Variants in SPIRE1 observed in about 807,000 individuals in gnomAD.
SPIRE1 encodes spire type actin nucleation factor 1, also known as protein spire homolog 1.
In SPIRE1, 40 loss-of-function variants were observed where a neutral mutation model predicts 94.1. The observed-to-expected ratio is 0.43, with a 90% confidence interval of 0.33 to 0.55. The LOEUF is 0.55. Ranked by LOEUF, SPIRE1 falls within the 20% of genes least tolerant of loss-of-function variation. The pLI, the probability that SPIRE1 is intolerant of heterozygous loss-of-function variation, is 0.06. For synonymous variants in SPIRE1, 376 were observed against 371.7 expected (o/e 1.01, Z -0.13); for missense variants, 838 against 975.2 (o/e 0.86, Z 1.87).
At chr18:12,617,908 G>A (rs1387177976) in intron 2 of SPIRE1, among the ~76,000 whole-genome samples, 1 of 151,984 alleles carries the variant, frequency 6.6e-6, no homozygotes, top group Non-Finnish European at 1.5e-5. Flanking sequence ...AACATTTAGA[G>A]GACAGAACCG....
chr18:12,585,611 C>T (rs1484602211), intron 2 of SPIRE1, among the ~76,000 whole-genome samples: 1 of 152,084 alleles, frequency 6.6e-6, no homozygotes, highest in African/African-American at 2.4e-5. Flanking sequence ...GAGCTTAAAA[C>T]AGTGTCTAGC....
chr18:12,635,605 A>T (rs887055632), intron 1 of SPIRE1, among the ~76,000 whole-genome samples: 2 of 152,180 alleles, frequency 1.3e-5, no homozygotes, highest in African/African-American at 4.8e-5. Flanking sequence ...AAAACCATAT[A>T]ATTAATTGAG....
chr18:12,576,890 CAAAA>C (rs398032016), intron 2 of SPIRE1, among the ~76,000 whole-genome samples: 2 of 89,956 alleles, frequency 2.2e-5, no homozygotes, highest in Non-Finnish European at 2.0e-5. Flanking sequence ...CTCTGTTTCA[CAAAA>C]AAAAAAAAAA....
intron 1 of SPIRE1, among the ~76,000 whole-genome samples, chr18:12,642,685 G>T (rs1177492053): frequency 6.6e-6 from 1 of 152,088 alleles, no homozygotes; most frequent in Non-Finnish European, 1.5e-5. Context: ...ATTTAGAAAT[G>T]GTCTCACTCA....
intron 11 of SPIRE1, among the ~76,000 whole-genome samples, chr18:12,463,929 C>G (rs901315148): frequency 1.3e-5 from 2 of 152,150 alleles, no homozygotes; most frequent in African/African-American, 4.8e-5. Flanking sequence ...CCTTCTCTGC[C>G]TAGTAATATT....
Position 12,657,797 on chromosome 18 carries a change from G to A in SPIRE1, c.70C>T (p.Arg24Trp), listed in dbSNP as rs2038599927. The A allele has an allele frequency of 3.9e-6, 5 of 1,269,828 alleles. No individual in the cohort carries two copies. Among genetic ancestry groups the A allele is most frequent in the Admixed American group, 4.0e-5 (1 of 25,246 alleles). 78.7% of individuals were successfully genotyped at this position (1,269,828 alleles called of 1,614,324 possible). A position where few individuals can be genotyped will look rare whatever the true frequency, so the allele number is the denominator to read the frequency against. Residue 24 changes from arginine to tryptophan, a missense_variant, in exon 1 of 17, where the codon CGG becomes TGG. Transcript: ENST00000409402. ...GCGCCGCCGGCTGCCCCGGGCTCCC[G>A]CGGCCCCTCGCCGCCCACTGCCTCA... ...RTEAVGGEGPREPGAAGGAAG... is the reference protein window; with the variant it reads ...RTEAVGGEGPWEPGAAGGAAG...
intron 12 of SPIRE1, among the ~76,000 whole-genome samples, chr18:12,454,954 A>G (rs2031441504): frequency 1.3e-5 from 2 of 149,816 alleles, no homozygotes; most frequent in Non-Finnish European, 3.0e-5. Flanking sequence ...TTTTTTTTCC[A>G]CAACAGGGTC....
At chr18:12,514,505 T>C (rs897106101) in intron 4 of SPIRE1, among the ~76,000 whole-genome samples, 14 of 152,152 alleles carry the variant, frequency 9.2e-5, no homozygotes, top group Admixed American at 9.2e-4. Context: ...ATCTCCAGAA[T>C]AGCCTTGCAT....
At chr18:12,495,264 A>G (rs576330341) in intron 7 of SPIRE1, among the ~76,000 whole-genome samples, 61 of 152,184 alleles carry the variant, frequency 4.0e-4, no homozygotes, top group Non-Finnish European at 8.2e-4. Context: ...AACACAAACC[A>G]ATGTTCCAAC....
chr18:12,572,574 A>C (rs946478008), intron 2 of SPIRE1, among the ~76,000 whole-genome samples: 1 of 152,172 alleles, frequency 6.6e-6, no homozygotes, highest in Non-Finnish European at 1.5e-5. Flanking sequence ...GCACCACTGC[A>C]CTCCAGCCAG....
At chr18:12,485,673 G>A (rs975107086) in intron 9 of SPIRE1, among the ~76,000 whole-genome samples, 2 of 152,132 alleles carry the variant, frequency 1.3e-5, no homozygotes, top group African/African-American at 4.8e-5. Context: ...AGAAGAGCCT[G>A]GACAGTGACA....
Position 12,501,726 on chromosome 18 carries a change from G to A in SPIRE1, c.972+4751C>T, listed in dbSNP as rs527932570. Among the ~76,000 whole-genome samples, 11 of 152,280 alleles carry A rather than the reference G, an allele frequency of 7.2e-5. No individual in the cohort carries two copies. The East Asian group carries it at 7.7e-4, about 11-fold the overall frequency. ...CTATAATCCTAGCACTTTGGAAGGC[G>A]GAGGTGAGAGGACTGCTTGAGCCCA... On this transcript the variant is annotated intron_variant, in intron 6 of 16. Coordinates refer to ENST00000409402, the MANE Select transcript of SPIRE1 (RefSeq NM_001128626.2).
At chr18:12,501,001 G>A (rs1329212825) in intron 6 of SPIRE1, among the ~76,000 whole-genome samples, 1 of 148,246 alleles carries the variant, frequency 6.7e-6, no homozygotes. Context: ...GAACCCTGGA[G>A]GCGGAGGTTG....
Position 12,493,173 on chromosome 18 carries a change from G to A in SPIRE1, c.1088C>T (p.Pro363Leu). The A allele has an allele frequency of 1.2e-6, 2 of 1,612,992 alleles. No individual in the cohort carries two copies. ...PVSARKLKPT[P>L]PRPRSLHERI... ...TTCATGGAGGCTCCGTGGCCGTGGT[G>A]GAGTTGGTTTCAGTTTTCTGGCTGA... The change falls in exon 8 of 17, where the codon CCA becomes CTA. Residue 363 changes from proline to leucine, a missense_variant. Around this residue, in one of 2 missense-constraint regions of SPIRE1, gnomAD observed 645 missense variants for 804.7 expected, o/e 0.80. Coordinates refer to ENST00000409402, the MANE Select transcript of SPIRE1 (RefSeq NM_001128626.2).
At chr18:12,474,927 A>G (rs190868563) in intron 10 of SPIRE1, among the ~76,000 whole-genome samples, 1 of 152,284 alleles carries the variant, frequency 6.6e-6, no homozygotes, top group East Asian at 1.9e-4. Context: ...GAAAAAGAAT[A>G]AAGTCAACCT....
At position 12,464,890 on chromosome 18, in the gene SPIRE1, C is replaced by T; in HGVS notation, c.1473G>A (p.Leu491=). 6.2e-7 allele frequency: 1 copy of T among 1,613,980 alleles called. No individual in the cohort carries two copies. The highest frequency in any genetic ancestry group is 8.5e-7 in the Non-Finnish European group (1 of 1,179,934). Residue 491 remains leucine (L), a synonymous_variant, in exon 11 of 17, where the codon CTG becomes CTA. Transcript: ENST00000409402. ...VSPSFPEEPV[L]EAVSTRKKPP... is the part of the protein sequence containing the mutation. Reference sequence around the variant, plus strand: ...CACTCTTCCTTGTGGACACGGCCTCCAGGACTGGCTCTTCAGGGAAAGAGG... The same window carrying T: ...CACTCTTCCTTGTGGACACGGCCTCTAGGACTGGCTCTTCAGGGAAAGAGG...
chr18:12,592,816 G>C (rs1039383146), intron 2 of SPIRE1, among the ~76,000 whole-genome samples: 1 of 152,186 alleles, frequency 6.6e-6, no homozygotes, highest in Non-Finnish European at 1.5e-5. Context: ...ACAATATAGA[G>C]AGCTGTAGAT....
chr18:12,578,582 T>C (rs989110124), intron 2 of SPIRE1, among the ~76,000 whole-genome samples: 3 of 152,230 alleles, frequency 2.0e-5, no homozygotes, highest in African/African-American at 4.8e-5. Context: ...ATTATCAGCA[T>C]TTTATTATAT....
At chr18:12,532,949 A>G (rs1005460576) in intron 4 of SPIRE1, among the ~76,000 whole-genome samples, 1 of 152,228 alleles carries the variant, frequency 6.6e-6, no homozygotes, top group African/African-American at 2.4e-5. Flanking sequence ...ACAGAATATT[A>G]GCAAACCCAC....
Sources: allele counts gnomAD v4.1 joint callset (sites outside exome capture counted in the v4.1 genomes callset), GRCh38; gene constraint gnomAD v4.1.1; regional missense constraint gnomAD v4.1.1; transcripts MANE v1.5; gene names NCBI Gene and HGNC (gene_info 2026-07-23, HGNC 2026-07-21).